U2SURP: variants seen among roughly 807,000 people sequenced by gnomAD.
The protein encoded by U2SURP is U2 snRNP-associated SURP motif-containing protein.
Under a neutral mutation model 144.9 loss-of-function variants are expected in U2SURP, and 9 were observed. The observed-to-expected ratio is 0.06, with a 90% CI of 0.04 to 0.11. U2SURP has a LOEUF of 0.11. Ranked by LOEUF, U2SURP falls within the 10% of genes least tolerant of loss-of-function variation. The pLI, the probability that U2SURP is intolerant of heterozygous loss-of-function variation, is 1.00. For synonymous variants in U2SURP, 408 were observed against 396.8 expected, an observed-to-expected ratio of 1.03 and a Z score of -0.33; for missense variants, 724 against 1,226.7, an observed-to-expected ratio of 0.59 and a Z score of 6.12.
intron 2 of U2SURP, chr3:143,011,841 G>A: frequency 2.4e-6 from 1 of 410,216 alleles, no homozygotes; most frequent in Non-Finnish European, 4.8e-6. Flanking sequence ...TGTGATGTTT[G>A]TTTGAGTTGA....
At chr3:143,012,022 T>C (rs1043374685) in intron 2 of U2SURP, 200 bp from the exon 3 acceptor site, 30 of 700,330 alleles carry the variant, frequency 4.3e-5, no homozygotes, top group African/African-American at 1.1e-4. Context: ...AAATTCAAGC[T>C]TGTGAGTTAG....
At chr3:143,054,747 G>T (rs1935057353) in intron 26 of U2SURP, among the ~76,000 whole-genome samples, 196 bp from the exon 27 acceptor site, 1 of 152,152 alleles carries the variant, frequency 6.6e-6, no homozygotes, top group Non-Finnish European at 1.5e-5. Context: ...GTTGAATTCA[G>T]TTGTTGTCTC....
At chr3:143,033,870 A>G (rs1020338551) in intron 18 of U2SURP, among the ~76,000 whole-genome samples, 2 of 152,220 alleles carry the variant, frequency 1.3e-5, no homozygotes, top group African/African-American at 2.4e-5. Flanking sequence ...GAAAGATTTT[A>G]TATCATATCA....
intron 14 of U2SURP, among the ~76,000 whole-genome samples, chr3:143,028,007 A>G (rs1933255358): frequency 6.6e-6 from 1 of 152,188 alleles, no homozygotes; most frequent in Non-Finnish European, 1.5e-5. Flanking sequence ...ACACTTAAGT[A>G]ATGTAAAATC....
intron 27 of U2SURP, among the ~76,000 whole-genome samples, chr3:143,056,067 T>C (rs1358185853): frequency 6.6e-6 from 1 of 152,198 alleles, no homozygotes; most frequent in Non-Finnish European, 1.5e-5. Context: ...AGAGCAGTGA[T>C]AAGGCACAGA....
intron 1 of U2SURP, among the ~76,000 whole-genome samples, chr3:143,007,736 C>G (rs1238680131): frequency 6.6e-6 from 1 of 152,140 alleles, no homozygotes; most frequent in Non-Finnish European, 1.5e-5. Flanking sequence ...AGCCACCGCG[C>G]CCGGCCGACT....
intron 23 of U2SURP, among the ~76,000 whole-genome samples, chr3:143,039,613 T>C (rs1235508990): frequency 6.6e-6 from 1 of 151,178 alleles, no homozygotes; most frequent in Non-Finnish European, 1.5e-5. Context: ...TTTTTTTTTT[T>C]TTTTTTTAAA....
intron 1 of U2SURP, among the ~76,000 whole-genome samples, chr3:143,005,249 G>A (rs1223269348): frequency 6.6e-6 from 1 of 150,538 alleles, no homozygotes; most frequent in Non-Finnish European, 1.5e-5. Flanking sequence ...AATTGCTTTG[G>A]GAACTGTTTT....
intron 24 of U2SURP, among the ~76,000 whole-genome samples, chr3:143,047,160 G>A (rs1934534770): frequency 1.0e-5 from 1 of 98,700 alleles, no homozygotes; most frequent in Non-Finnish European, 2.0e-5. Context: ...CGGGGCGGCT[G>A]GCCAGGCGGG....
chr3:143,029,095 G>T (rs145151736), intron 16 of U2SURP, among the ~76,000 whole-genome samples: 1 of 152,218 alleles, frequency 6.6e-6, no homozygotes, highest in Non-Finnish European at 1.5e-5. Context: ...CACCATGGAA[G>T]TATGTGTTGT....
chr3:143,050,842 C>T (rs1249893463), intron 24 of U2SURP, 97 bp from the exon 25 acceptor site: 4 of 751,360 alleles, frequency 5.3e-6, no homozygotes, highest in Non-Finnish European at 8.6e-6. Context: ...TGACTGAGTA[C>T]TAATTAGTTA....
At position 143,028,422 on chromosome 3, in the gene U2SURP, T is replaced by G. The variant is rs1426330108; in HGVS notation, c.1446+16T>G. ...TATTCTGCAGGCAAGTAGAATCAAT[T>G]ACTTTGTTAATTTTGACTCTGAGTA... is the stretch of plus-strand genomic sequence containing the variant. On this transcript the variant is annotated intron_variant, in intron 15 of 27. Coordinates refer to ENST00000473835, the MANE Select transcript of U2SURP (RefSeq NM_001080415.2). The G allele has an allele frequency of 3.1e-6, 5 of 1,611,686 alleles. No homozygotes were observed. Among genetic ancestry groups the G allele is most frequent in the Non-Finnish European group, 4.2e-6 (5 of 1,179,238 alleles).
intron 24 of U2SURP, among the ~76,000 whole-genome samples, chr3:143,047,851 C>T (rs1177191835): frequency 5.3e-5 from 5 of 93,924 alleles, no homozygotes; most frequent in African/African-American, 8.4e-5. Context: ...CCTCACCTCC[C>T]GGACGGGGCG....
intron 7 of U2SURP, 51 bp downstream of exon 7, chr3:143,020,087 C>G: frequency 1.7e-6 from 2 of 1,147,608 alleles, no homozygotes; most frequent in Non-Finnish European, 2.4e-6. Context: ...TGAGCTGATA[C>G]ATAAACAGAT....
intron 1 of U2SURP, among the ~76,000 whole-genome samples, chr3:143,004,414 A>C (rs1331546412): frequency 8.8e-6 from 1 of 113,860 alleles, no homozygotes; most frequent in Non-Finnish European, 1.6e-5. Context: ...CCCAGGCTGG[A>C]GTGCAGTGGT....
chr3:143,045,147 G>C (rs1286514611), intron 24 of U2SURP, among the ~76,000 whole-genome samples: 1 of 151,898 alleles, frequency 6.6e-6, no homozygotes, highest in Non-Finnish European at 1.5e-5. Flanking sequence ...GAGGCGGGTG[G>C]ATCACGAGGT....
At chr3:143,052,052 C>T (rs968223121) in intron 25 of U2SURP, among the ~76,000 whole-genome samples, 1 of 151,990 alleles carries the variant, frequency 6.6e-6, no homozygotes, top group South Asian at 2.1e-4. Context: ...AAAAGTTGCC[C>T]TCTATATATT....
chr3:143,010,058 ATCTT>A (rs1936043733), intron 1 of U2SURP, among the ~76,000 whole-genome samples: 1 of 152,258 alleles, frequency 6.6e-6, no homozygotes, highest in South Asian at 2.1e-4. Flanking sequence ...TTCTTGGAGA[ATCTT>A]TCTTTCAGAA....
At chr3:143,019,083 T>C (rs984107348) in intron 6 of U2SURP, among the ~76,000 whole-genome samples, 2 of 152,240 alleles carry the variant, frequency 1.3e-5, no homozygotes, top group Non-Finnish European at 2.9e-5. Context: ...TATAAGTTTC[T>C]TTTGGAGAAA....
Sources: gnomAD v4.1 joint callset for allele counts (sites outside exome capture counted in the v4.1 genomes callset) on GRCh38, gnomAD v4.1.1 for gene constraint, MANE v1.5 for transcripts, NCBI Gene and HGNC (gene_info 2026-07-23, HGNC 2026-07-21) for gene names.